The following STARD13 variants were observed in gnomAD, a reference collection of about 807,000 sequenced individuals.
STARD13 encodes stAR-related lipid transfer protein 13.
In STARD13, 62 loss-of-function variants were observed where a neutral mutation model predicts 106.4. That is an observed-to-expected ratio of 0.58 (90% CI 0.48 to 0.72). The LOEUF (loss-of-function observed/expected upper bound fraction) is 0.72. Ranked by LOEUF, STARD13 falls within the 30% of genes least tolerant of loss-of-function variation. The pLI is 0.00. For synonymous variants in STARD13, 565 were observed against 553.0 expected (o/e 1.02, Z -0.31); for missense variants, 1,387 against 1,424.0 (o/e 0.97, Z 0.42).
At chr13:33,193,196 T>C (rs1010961468) in intron 1 of STARD13, among the ~76,000 whole-genome samples, 2 of 152,236 alleles carry the variant, frequency 1.3e-5, no homozygotes, top group South Asian at 2.1e-4. Flanking sequence ...AATCAGCCAC[T>C]AAATACACAT....
chr13:33,284,825 TA>T lies in STARD13; in HGVS notation c.169+644del, dbSNP rs1412556693. On this transcript the variant is annotated intron_variant, in intron 1 of 13. Coordinates refer to ENST00000336934, the MANE Select transcript of STARD13 (RefSeq NM_178006.4). Reference sequence around the variant, plus strand: ...AATAAAAAGAATATCAAGCAGCTTATAATCAATATTCTCTTCTCTTTGCATT... The same window carrying T: ...AATAAAAAGAATATCAAGCAGCTTATATCAATATTCTCTTCTCTTTGCATT... Among the ~76,000 whole-genome samples, 3 of 152,188 alleles carry T rather than the reference TA, an allele frequency of 2.0e-5. No homozygotes were observed. The East Asian group carries it at 5.8e-4, about 29-fold the overall frequency.
chr13:33,200,203 C>A (rs1427018161), intron 1 of STARD13, among the ~76,000 whole-genome samples: 1 of 152,236 alleles, frequency 6.6e-6, no homozygotes, highest in African/African-American at 2.4e-5. Flanking sequence ...TCCCTGCCAT[C>A]CCCTAAGGGT....
At chr13:33,624,586 C>T in the STARD13 span, among the ~76,000 whole-genome samples, 1 of 152,192 alleles carries the variant, frequency 6.6e-6, no homozygotes, top group Non-Finnish European at 1.5e-5. Context: ...GGAGATCTAG[C>T]ACAGACTCAA....
chr13:33,431,953 G>A, the STARD13 span, among the ~76,000 whole-genome samples: 4 of 152,310 alleles, frequency 2.6e-5, no homozygotes, highest in African/African-American at 9.6e-5. Flanking sequence ...AGGGATCAAG[G>A]GAAAGTTCAG....
At chr13:33,446,330 C>T in the STARD13 span, among the ~76,000 whole-genome samples, 1 of 151,398 alleles carries the variant, frequency 6.6e-6, no homozygotes, top group African/African-American at 2.4e-5. Flanking sequence ...TGACTCAGGC[C>T]GAGAAAAGGC....
chr13:33,524,058 A>G, the STARD13 span, among the ~76,000 whole-genome samples: 3 of 152,110 alleles, frequency 2.0e-5, no homozygotes, highest in Admixed American at 6.6e-5. Flanking sequence ...ATATGTTCTC[A>G]TTACAAATTT....
At chr13:33,433,991 G>A in the STARD13 span, among the ~76,000 whole-genome samples, 1 of 152,162 alleles carries the variant, frequency 6.6e-6, no homozygotes, top group Non-Finnish European at 1.5e-5. Context: ...TAGCAACTTA[G>A]TCAATAGTCA....
chr13:33,662,885 TG>T, the STARD13 span, among the ~76,000 whole-genome samples: 1 of 152,364 alleles, frequency 6.6e-6, no homozygotes, highest in East Asian at 1.9e-4. Flanking sequence ...TAAAAAAATT[TG>T]GTTTCCATAG....
At chr13:33,350,305 C>T in exon 1 of STARD13, 9 of 1,532,792 alleles carry the variant, frequency 5.9e-6, no homozygotes, top group Non-Finnish European at 7.9e-6. Flanking sequence ...AGCCGCCTCT[C>T]CCGGACGTTC....
chr13:33,512,143 T>G, the STARD13 span, among the ~76,000 whole-genome samples: 1 of 152,194 alleles, frequency 6.6e-6, no homozygotes, highest in Non-Finnish European at 1.5e-5. Flanking sequence ...AAGACCACTC[T>G]TCCCAATTAA....
the STARD13 span, among the ~76,000 whole-genome samples, chr13:33,489,074 C>T: frequency 2.6e-5 from 4 of 152,250 alleles, no homozygotes; most frequent in African/African-American, 9.6e-5. Context: ...AATTTCACAC[C>T]CTGCCTAAAT....
chr13:33,132,801 T>C (rs1878503475), intron 4 of STARD13, among the ~76,000 whole-genome samples: 1 of 152,172 alleles, frequency 6.6e-6, no homozygotes, highest in Non-Finnish European at 1.5e-5. Flanking sequence ...GTTTAGAAAG[T>C]TGTAATTGTA....
chr13:33,190,507 A>C (rs554618884), intron 1 of STARD13, among the ~76,000 whole-genome samples: 29 of 152,268 alleles, frequency 1.9e-4, no homozygotes, highest in African/African-American at 4.6e-4. Flanking sequence ...GTGGTTCTTA[A>C]CACCACCACC....
chr13:33,349,821 C>A (rs1459155287), intron 1 of STARD13, among the ~76,000 whole-genome samples: 1 of 152,228 alleles, frequency 6.6e-6, no homozygotes, highest in Non-Finnish European at 1.5e-5. Flanking sequence ...GCGCTTCGGA[C>A]GTGCTCCTTG....
the STARD13 span, among the ~76,000 whole-genome samples, chr13:33,552,389 TA>T: frequency 1.3e-5 from 2 of 152,162 alleles, no homozygotes; most frequent in East Asian, 3.8e-4. Context: ...TTCTAGGCCA[TA>T]AAACACATCT....
chr13:33,560,983 G>T, the STARD13 span, among the ~76,000 whole-genome samples: 1 of 151,346 alleles, frequency 6.6e-6, no homozygotes, highest in Non-Finnish European at 1.5e-5. Context: ...TTCAGTGTTG[G>T]CATTACTAAG....
the STARD13 span, among the ~76,000 whole-genome samples, chr13:33,635,783 G>A: frequency 6.6e-6 from 1 of 150,976 alleles, no homozygotes; most frequent in South Asian, 2.1e-4. Context: ...AGGAGTTCAA[G>A]ACCAGCCTGG....
chr13:33,640,876 G>C, the STARD13 span, among the ~76,000 whole-genome samples: 2 of 152,134 alleles, frequency 1.3e-5, no homozygotes, highest in African/African-American at 4.8e-5. Flanking sequence ...GAATCTCTTG[G>C]CCTCCCTGAA....
chr13:33,454,863 T>A, the STARD13 span, among the ~76,000 whole-genome samples: 1 of 152,140 alleles, frequency 6.6e-6, no homozygotes, highest in East Asian at 1.9e-4. Context: ...GCAGCATGTG[T>A]GAGAGTAGAA....
Sources: allele counts gnomAD v4.1 joint callset (sites outside exome capture counted in the v4.1 genomes callset), GRCh38; gene constraint gnomAD v4.1.1; transcripts MANE v1.5; gene names NCBI Gene and HGNC (gene_info 2026-07-23, HGNC 2026-07-21).